The following MGMT variants were observed in gnomAD, a reference collection of about 807,000 sequenced individuals.
MGMT encodes methylated-DNA--protein-cysteine methyltransferase.
In MGMT, 14 loss-of-function variants were observed where a neutral mutation model predicts 15.9. That is an observed-to-expected ratio of 0.88 (90% CI 0.58 to 1.37). MGMT has a LOEUF of 1.37. MGMT is among the 40% of genes most tolerant of loss of function. The probability of loss-of-function intolerance (pLI) is 0.00; values close to 1 mark genes in which losing one functional copy is unlikely to be tolerated. For synonymous variants in MGMT, 130 were observed against 118.2 expected (o/e 1.10, Z -0.65); for missense variants, 282 against 268.1 (o/e 1.05, Z -0.36).
intron 1 of MGMT, among the ~76,000 whole-genome samples, chr10:129,487,993 A>ACACT (rs1404358721): frequency 1.6e-5 from 2 of 128,632 alleles, no homozygotes; most frequent in Non-Finnish European, 3.2e-5. Flanking sequence ...ACACACACAC[A>ACACT]CACATAGGTA....
chr10:129,671,928 A>T (rs932110728), intron 2 of MGMT, among the ~76,000 whole-genome samples: 1 of 152,256 alleles, frequency 6.6e-6, no homozygotes, highest in Non-Finnish European at 1.5e-5. Flanking sequence ...TCAGCTGGCT[A>T]TACAGAATTT....
intron 2 of MGMT, among the ~76,000 whole-genome samples, chr10:129,573,494 CT>C (rs1846443483): frequency 6.6e-6 from 1 of 152,094 alleles, no homozygotes. Flanking sequence ...ACACAAAGGC[CT>C]TTTTAACCTT....
chr10:129,719,912 T>A (rs1158184081), intron 3 of MGMT, among the ~76,000 whole-genome samples: 1 of 152,212 alleles, frequency 6.6e-6, no homozygotes. Flanking sequence ...ACCTGCTTAT[T>A]TCACAGATAG....
chr10:129,522,856 T>G (rs558131106), intron 1 of MGMT, among the ~76,000 whole-genome samples: 1 of 152,302 alleles, frequency 6.6e-6, no homozygotes, highest in South Asian at 2.1e-4. Context: ...GGGGCAGGAA[T>G]TGGTGGCTTT....
chr10:129,745,386 T>A (rs1848682936), intron 3 of MGMT, among the ~76,000 whole-genome samples: 1 of 142,592 alleles, frequency 7.0e-6, no homozygotes, highest in Non-Finnish European at 1.5e-5. Flanking sequence ...CGCCGCCCCC[T>A]GGCAGCCACG....
intron 1 of MGMT, among the ~76,000 whole-genome samples, chr10:129,477,688 A>G (rs2119627748): frequency 6.6e-6 from 1 of 152,364 alleles, no homozygotes; most frequent in Non-Finnish European, 1.5e-5. Flanking sequence ...AGCCAGGACC[A>G]GCAGCTCTCA....
intron 3 of MGMT, among the ~76,000 whole-genome samples, chr10:129,735,215 T>G (rs1019657538): frequency 6.6e-6 from 1 of 152,246 alleles, no homozygotes; most frequent in African/African-American, 2.4e-5. Context: ...TGATAAGCTA[T>G]TGATTATTGC....
At chr10:129,699,889 A>C (rs1334219942) in intron 2 of MGMT, among the ~76,000 whole-genome samples, 4 of 152,034 alleles carry the variant, frequency 2.6e-5, no homozygotes. Context: ...ACAACTAAAC[A>C]CATAACAGTC....
At chr10:129,555,017 G>GACCAGCAGGAAACTCTT (rs1846197059) in intron 2 of MGMT, among the ~76,000 whole-genome samples, 1 of 152,182 alleles carries the variant, frequency 6.6e-6, no homozygotes, top group Non-Finnish European at 1.5e-5. Context: ...TAAATGAGCT[G>GACCAGCAGGAAACTCTT]ACCAGCAGGA....
At chr10:129,687,942 A>G (rs1002469255) in intron 2 of MGMT, among the ~76,000 whole-genome samples, 6 of 151,834 alleles carry the variant, frequency 4.0e-5, no homozygotes, top group Middle Eastern at 3.4e-3. Context: ...GTGAGAACAC[A>G]TGGTGTTTGG....
intron 2 of MGMT, among the ~76,000 whole-genome samples, chr10:129,581,265 G>A (rs1002076405): frequency 6.6e-6 from 1 of 152,042 alleles, no homozygotes; most frequent in South Asian, 2.1e-4. Flanking sequence ...CCTGCCCCTG[G>A]TTCTGCAGTG....
intron 2 of MGMT, among the ~76,000 whole-genome samples, chr10:129,646,184 G>A (rs1441293777): frequency 1.3e-5 from 2 of 152,142 alleles, no homozygotes; most frequent in African/African-American, 4.8e-5. Flanking sequence ...AAGGCAGATA[G>A]GAGTCCAGTC....
chr10:129,630,361 T>C (rs955183809), intron 2 of MGMT, among the ~76,000 whole-genome samples: 10 of 152,350 alleles, frequency 6.6e-5, no homozygotes, highest in African/African-American at 2.4e-4. Flanking sequence ...AAGTGAAATG[T>C]CTTCCCATCT....
At chr10:129,618,455 G>A (rs187764490) in intron 2 of MGMT, among the ~76,000 whole-genome samples, 4 of 151,996 alleles carry the variant, frequency 2.6e-5, no homozygotes, top group African/African-American at 4.8e-5. Flanking sequence ...TCCAAATTTC[G>A]TTGTTTTTTC....
chr10:129,676,251 G>A lies in MGMT; in HGVS notation c.126-31644G>A, dbSNP rs141738626. Among the ~76,000 whole-genome samples the A allele has an allele frequency of 3.8e-3, 580 of 152,296 alleles. 2 individuals are homozygous for A. Among genetic ancestry groups the A allele is most frequent in the Middle Eastern group, 0.014 (4 of 294 alleles). On this transcript the variant is annotated intron_variant, in intron 2 of 4. Coordinates refer to ENST00000651593, the MANE Select transcript of MGMT (RefSeq NM_002412.5). Reference sequence around the variant, plus strand: ...CCTTCACTTCCTCTTCCCTGTGGCCGCCCCCCGACCTTCATTTCCTTGGTA... The same window carrying A: ...CCTTCACTTCCTCTTCCCTGTGGCCACCCCCCGACCTTCATTTCCTTGGTA...
intron 2 of MGMT, among the ~76,000 whole-genome samples, chr10:129,603,726 T>A (rs562084321): frequency 1.9e-4 from 29 of 152,386 alleles, no homozygotes; most frequent in Admixed American, 1.7e-3. Context: ...ACACTGCTTC[T>A]TGTATGGGCA....
intron 1 of MGMT, among the ~76,000 whole-genome samples, chr10:129,514,246 TATATC>T (rs1212854220): frequency 2.0e-5 from 3 of 152,248 alleles, no homozygotes; most frequent in African/African-American, 7.2e-5. Flanking sequence ...GAGATACAAT[TATATC>T]AATCAATTAT....
At chr10:129,744,224 C>A (rs1848668471) in intron 3 of MGMT, among the ~76,000 whole-genome samples, 1 of 152,152 alleles carries the variant, frequency 6.6e-6, no homozygotes, top group African/African-American at 2.4e-5. Flanking sequence ...TCCTGGCAAG[C>A]CCAGAGAACC....
intron 2 of MGMT, among the ~76,000 whole-genome samples, chr10:129,640,748 TATAAAG>T (rs1847319628): frequency 6.6e-6 from 1 of 152,148 alleles, no homozygotes; most frequent in African/African-American, 2.4e-5. Context: ...CCAGGAAATA[TATAAAG>T]GATGATGGAA....
Sources: allele counts gnomAD v4.1 joint callset (sites outside exome capture counted in the v4.1 genomes callset), GRCh38; gene constraint gnomAD v4.1.1; transcripts MANE v1.5; gene names NCBI Gene and HGNC (gene_info 2026-07-23, HGNC 2026-07-21).